Variants in RANGAP1 observed in about 807,000 individuals in gnomAD.
RANGAP1 encodes ran GTPase-activating protein 1.
Under a neutral mutation model 63.5 loss-of-function variants are expected in RANGAP1, and 38 were observed. The ratio of observed to expected loss-of-function variants is 0.60; its 90% confidence interval spans 0.46 to 0.78. The LOEUF is 0.78. RANGAP1 is among the 30% of genes least tolerant of loss of function. The pLI is 0.00. For missense variants in RANGAP1, 630 were observed against 740.3 expected (o/e 0.85, Z 1.73); for synonymous variants, 329 against 310.5 (o/e 1.06, Z -0.63).
intron 13 of RANGAP1, among the ~76,000 whole-genome samples, chr22:41,250,553 G>C (rs539924141): frequency 2.0e-5 from 3 of 152,160 alleles, no homozygotes; most frequent in African/African-American, 7.2e-5. Flanking sequence ...TGATAGGGCT[G>C]GAGGGATATG....
At chr22:41,248,677 C>A (rs1003886017) in intron 15 of RANGAP1, among the ~76,000 whole-genome samples, 4 of 152,236 alleles carry the variant, frequency 2.6e-5, no homozygotes, top group Admixed American at 1.3e-4. Flanking sequence ...CACAGGTTGG[C>A]CAGGGGCCAC....
chr22:41,281,475 T>A (rs911129793), intron 1 of RANGAP1: 5 of 995,752 alleles, frequency 5.0e-6, no homozygotes, highest in Non-Finnish European at 6.0e-6. Context: ...GCATCTTGGC[T>A]GTTCTCTGTT....
chr22:41,274,681 A>T lies in RANGAP1; in HGVS notation c.159T>A (p.Ala53=). The change falls in exon 3 of 16, where the codon GCT becomes GCA. Residue 53 remains alanine, a synonymous_variant. Transcript: ENST00000356244. The stretch of plus-strand genomic sequence containing the variant: ...CCACTGTGTTGCCTTCCAGACGCAG[A>T]GCCTCCAAGCTGTCAAAGTCTTCAA... ...KEIEDFDSLE[A]LRLEGNTVGV... 6.2e-7 allele frequency: 1 copy of T among 1,614,174 alleles called. No individual in the cohort carries two copies. Among genetic ancestry groups the T allele is most frequent in the South Asian group, 1.1e-5 (1 of 91,082 alleles).
At chr22:41,252,677 G>C (rs1225016652) in intron 12 of RANGAP1, among the ~76,000 whole-genome samples, 195 bp downstream of exon 12, 1 of 152,156 alleles carries the variant, frequency 6.6e-6, no homozygotes, top group Non-Finnish European at 1.5e-5. Context: ...GCTGAGTGGG[G>C]AGGGAACATT....
At chr22:41,280,679 T>C in intron 2 of RANGAP1, 1 of 1,428,110 alleles carries the variant, frequency 7.0e-7, no homozygotes, top group African/African-American at 1.4e-5. Flanking sequence ...CCTCATTACC[T>C]ATCATCCCCT....
chr22:41,262,231 A>G (rs187545017), intron 5 of RANGAP1, among the ~76,000 whole-genome samples: 21 of 152,344 alleles, frequency 1.4e-4, no homozygotes, highest in Non-Finnish European at 2.4e-4. Context: ...GGTGCCAGGA[A>G]GTAGCTTCTA....
At chr22:41,291,643 A>T in the RANGAP1 span, among the ~76,000 whole-genome samples, 1 of 148,866 alleles carries the variant, frequency 6.7e-6, no homozygotes, top group Non-Finnish European at 1.5e-5. Context: ...TCACGCCTGT[A>T]ATCCCAGCAC....
intron 6 of RANGAP1, among the ~76,000 whole-genome samples, chr22:41,261,122 C>T (rs992137282): frequency 6.6e-6 from 1 of 152,220 alleles, no homozygotes; most frequent in African/African-American, 2.4e-5. Context: ...ACTGTCAGCA[C>T]TCGCACCATC....
rs1169470985 is a variant in RANGAP1, at chr22:41,257,018, G to A, written c.775-194C>T. 6.6e-6 allele frequency among the ~76,000 whole-genome samples: 1 copy of A among 151,864 alleles called. No homozygotes were observed. Among genetic ancestry groups the A allele is most frequent in the Admixed American group, 6.6e-5 (1 of 15,246 alleles). On this transcript the variant is annotated intron_variant, in intron 7 of 15. Transcript: ENST00000356244. The surrounding 1 kb of genome is among the most constrained non-coding windows in gnomAD (Gnocchi z 4.0). ...CCAAACCTCCTCCACCCCTCCCCAT[G>A]TTACGGCCAGAACTCTTCCTGAGAC...
At chr22:41,294,446 G>A in the RANGAP1 span, among the ~76,000 whole-genome samples, 7 of 151,584 alleles carry the variant, frequency 4.6e-5, no homozygotes, top group Non-Finnish European at 5.9e-5. Context: ...CCAAAGTGCC[G>A]AGATTGCAGC....
upstream of RANGAP1, among the ~76,000 whole-genome samples, chr22:41,290,428 C>T (rs1436661384): frequency 1.3e-5 from 2 of 152,202 alleles, no homozygotes; most frequent in East Asian, 3.9e-4. Flanking sequence ...TGGGGTTTCA[C>T]TGTGTTGTCC....
Position 41,245,722 on chromosome 22 carries a change from C to T in RANGAP1, c.*881G>A, listed in dbSNP as rs1780745306. The T allele has an allele frequency of 6.6e-6, 1 of 152,462 alleles. No individual in the cohort carries two copies. Among genetic ancestry groups the T allele is most frequent in the Non-Finnish European group, 1.5e-5 (1 of 68,242 alleles). The allele number at this position is 152,462 out of a possible 1,614,324, so 9.4% of individuals were successfully genotyped here. ...ACGGGTGCTCAGGGAGGTCATACAGCATCTGCCCAGTCCAGACCCTACCGC... is the reference window on the plus strand; with the variant it reads ...ACGGGTGCTCAGGGAGGTCATACAGTATCTGCCCAGTCCAGACCCTACCGC... On this transcript the variant is annotated 3_prime_UTR_variant, in exon 16 of 16. Coordinates refer to ENST00000356244, the MANE Select transcript of RANGAP1 (RefSeq NM_002883.4).
At chr22:41,300,048 GCCT>G in the RANGAP1 span, among the ~76,000 whole-genome samples, 22 of 151,228 alleles carry the variant, frequency 1.5e-4, no homozygotes, top group South Asian at 1.9e-3. Flanking sequence ...ACCGCGCCCG[GCCT>G]CCTCCTGGCC....
chr22:41,256,279 C>T lies in RANGAP1; in HGVS notation c.900G>A (p.Leu300=). 1.2e-6 allele frequency: 2 copies of T among 1,614,106 alleles called. No individual in the cohort carries two copies. The highest frequency in any genetic ancestry group is 1.1e-5 in the South Asian group (1 of 91,078). The change falls in exon 9 of 16, where the codon TTG becomes TTA. Residue 300 remains leucine, a synonymous_variant. Coordinates refer to ENST00000356244, the MANE Select transcript of RANGAP1 (RefSeq NM_002883.4). ...CATCCCTCTTGATTTCACAGAATGA[C>T]AAGTTCAGCTCCTGAAAATAAGAGG... ...GGLPKLKELN[L]SFCEIKRDAA...
At chr22:41,295,790 C>T in the RANGAP1 span, among the ~76,000 whole-genome samples, 3 of 126,038 alleles carry the variant, frequency 2.4e-5, no homozygotes, top group African/African-American at 9.6e-5. Flanking sequence ...GATGTACTGA[C>T]CAAAACAGGG....
chr22:41,279,504 G>A (rs1349945783), intron 2 of RANGAP1, among the ~76,000 whole-genome samples: 1 of 151,682 alleles, frequency 6.6e-6, no homozygotes, highest in Non-Finnish European at 1.5e-5. Context: ...AATTAGCTGG[G>A]CATGGTTGTA....
At position 41,246,230 on chromosome 22, in the gene RANGAP1, A is replaced by C; in HGVS notation, c.*373T>G. 1 of 196,136 alleles carries C rather than the reference A, an allele frequency of 5.1e-6. No individual in the cohort carries two copies. The highest frequency in any genetic ancestry group is 2.1e-3 in the Middle Eastern group (1 of 476). 12.1% of individuals were successfully genotyped at this position (196,136 alleles called of 1,614,324 possible). On this transcript the variant is annotated 3_prime_UTR_variant, in exon 16 of 16. Coordinates refer to ENST00000356244, the MANE Select transcript of RANGAP1 (RefSeq NM_002883.4). ...TCCCTGGGTTCTGGCTCCGCCAGGGAGCCGGGCCGGAAGGCAGGTGGGTGG... is the reference window on the plus strand; with the variant it reads ...TCCCTGGGTTCTGGCTCCGCCAGGGCGCCGGGCCGGAAGGCAGGTGGGTGG...
rs778184519 is a variant in RANGAP1, at chr22:41,246,236, G to C, written c.*367C>G. On this transcript the variant is annotated 3_prime_UTR_variant, in exon 16 of 16. Coordinates refer to ENST00000356244, the MANE Select transcript of RANGAP1 (RefSeq NM_002883.4). The stretch of plus-strand genomic sequence containing the variant: ...GGTTCTGGCTCCGCCAGGGAGCCGG[G>C]CCGGAAGGCAGGTGGGTGGGGACGG... The C allele has an allele frequency of 1.0e-5, 2 of 194,322 alleles. No homozygotes were observed. Among genetic ancestry groups the C allele is most frequent in the African/African-American group, 4.7e-5 (2 of 42,644 alleles). 12.0% of individuals were successfully genotyped at this position (194,322 alleles called of 1,614,324 possible).
chr22:41,275,723 G>A lies in RANGAP1; in HGVS notation c.113-996C>T, dbSNP rs546667935. On this transcript the variant is annotated intron_variant, in intron 2 of 15. Coordinates refer to ENST00000356244, the MANE Select transcript of RANGAP1 (RefSeq NM_002883.4). Reference sequence around the variant, plus strand: ...GAACCTGGGAGGCGGAAGTTGTAGTGAGCCGAGATCACACCACTACACTCT... The same window carrying A: ...GAACCTGGGAGGCGGAAGTTGTAGTAAGCCGAGATCACACCACTACACTCT... 1.5e-4 allele frequency among the ~76,000 whole-genome samples: 22 copies of A among 151,348 alleles called. 1 individual carries two copies. In the South Asian group the frequency reaches 3.1e-3, roughly 22 times the overall value.
Sources: gnomAD v4.1 joint callset for allele counts (sites outside exome capture counted in the v4.1 genomes callset) on GRCh38, gnomAD v4.1.1 for gene constraint, Gnocchi (gnomAD v3.1) non-coding constraint, MANE v1.5 for transcripts, NCBI Gene and HGNC (gene_info 2026-07-23, HGNC 2026-07-21) for gene names.